Variants in CAMLG observed in about 807,000 individuals in gnomAD.
CAMLG encodes the protein guided entry of tail-anchored proteins factor CAMLG.
In CAMLG, 23 loss-of-function variants were observed where a neutral mutation model predicts 28.9. The ratio of observed to expected loss-of-function variants is 0.80; its 90% CI spans 0.57 to 1.13. The LOEUF is 1.13. Among genes scored for constraint, CAMLG ranks in the 50% most tolerant of loss-of-function variants. The pLI, the probability that CAMLG is intolerant of heterozygous loss-of-function variation, is 0.00. For synonymous variants in CAMLG, 141 were observed against 146.5 expected (o/e 0.96, Z 0.27); for missense variants, 367 against 371.9 (o/e 0.99, Z 0.11).
intron 3 of CAMLG, among the ~76,000 whole-genome samples, chr5:134,745,482 G>C (rs964623186): frequency 6.0e-5 from 9 of 151,222 alleles, no homozygotes; most frequent in African/African-American, 1.9e-4. Context: ...GCTGGGCGCC[G>C]TGGCTCACGC....
At chr5:134,746,593 C>G (rs1220674734) in intron 3 of CAMLG, among the ~76,000 whole-genome samples, 5 of 152,020 alleles carry the variant, frequency 3.3e-5, no homozygotes, top group African/African-American at 1.2e-4. Flanking sequence ...TCTCCTGCCT[C>G]AGCCTGCCAA....
At chr5:134,741,952 A>G (rs760204966) in intron 2 of CAMLG, among the ~76,000 whole-genome samples, 4 of 152,202 alleles carry the variant, frequency 2.6e-5, no homozygotes, top group Non-Finnish European at 5.9e-5. Context: ...TCTCAAAAAT[A>G]TATGTATGTG....
chr5:134,749,372 A>G (rs558110292), intron 3 of CAMLG, among the ~76,000 whole-genome samples: 3 of 152,234 alleles, frequency 2.0e-5, no homozygotes, highest in South Asian at 2.1e-4. Context: ...CCGGCCAACT[A>G]TAGGTTTTTA....
At chr5:134,742,463 A>G (rs1300455165) in intron 2 of CAMLG, among the ~76,000 whole-genome samples, 1 of 152,224 alleles carries the variant, frequency 6.6e-6, no homozygotes, top group African/African-American at 2.4e-5. Flanking sequence ...AAATAATTTG[A>G]AATAGTAAAA....
intron 1 of CAMLG, among the ~76,000 whole-genome samples, chr5:134,739,292 C>T (rs1399471657): frequency 6.6e-6 from 1 of 152,264 alleles, no homozygotes; most frequent in South Asian, 2.1e-4. Flanking sequence ...CTAGTTCATC[C>T]TACGTGTATC....
At chr5:134,746,267 A>G (rs752675826) in intron 3 of CAMLG, among the ~76,000 whole-genome samples, 2 of 152,138 alleles carry the variant, frequency 1.3e-5, no homozygotes, top group Non-Finnish European at 2.9e-5. Context: ...GAATCTATAG[A>G]ATCTATACTA....
At position 134,741,291 on chromosome 5, in the gene CAMLG, G is replaced by A. The variant is rs773877145; in HGVS notation, c.401G>A (p.Arg134Gln). Residue 134 changes from arginine to glutamine, a missense_variant, in exon 2 of 4, where the codon CGG becomes CAG. Physicochemically the swap from Arg to Gln is conservative, Grantham distance 43 (BLOSUM62 1). Coordinates refer to ENST00000297156, the MANE Select transcript of CAMLG (RefSeq NM_001745.4). ...SSDVNLELRQ[R>Q]NRGDLTADSV... Reference sequence around the variant, plus strand: ...GATGTCAACCTTGAGCTCCGGCAGCGGAACAGAGGGGACCTGACAGCGGAC... The same window carrying A: ...GATGTCAACCTTGAGCTCCGGCAGCAGAACAGAGGGGACCTGACAGCGGAC... 7.4e-6 allele frequency: 12 copies of A among 1,614,148 alleles called. No homozygotes were observed. The East Asian group carries it at 8.9e-5, about 12-fold the overall frequency.
intron 3 of CAMLG, among the ~76,000 whole-genome samples, chr5:134,746,177 G>C (rs1377817953): frequency 6.9e-6 from 1 of 145,128 alleles, no homozygotes; most frequent in Admixed American, 7.0e-5. Context: ...TATCTATTCA[G>C]AATGAAGATG....
At chr5:134,742,630 T>C (rs1303948230) in intron 2 of CAMLG, among the ~76,000 whole-genome samples, 1 of 152,238 alleles carries the variant, frequency 6.6e-6, no homozygotes, top group Non-Finnish European at 1.5e-5. Context: ...GCATAGCTCA[T>C]AGTTCAGTGT....
At chr5:134,741,665 C>T in intron 2 of CAMLG, 142 bp downstream of exon 2, 1 of 629,124 alleles carries the variant, frequency 1.6e-6, no homozygotes, top group Non-Finnish European at 2.8e-6. Context: ...ATATTATTAA[C>T]TTTGCTATTC....
At position 134,738,769 on chromosome 5, in the gene CAMLG, T is replaced by G; in HGVS notation, c.149T>G (p.Phe50Cys). 6.2e-7 allele frequency: 1 copy of G among 1,613,984 alleles called. No individual in the cohort carries two copies. The highest frequency in any genetic ancestry group is 8.5e-7 in the Non-Finnish European group (1 of 1,179,982). ...CAGCGCATCAACCGGATCATGGGCTTTCACAGGCCCGGGAGCGGCGCGGGT... is the reference window on the plus strand; with the variant it reads ...CAGCGCATCAACCGGATCATGGGCTGTCACAGGCCCGGGAGCGGCGCGGGT... ...SEQRINRIMG[F>C]HRPGSGAEEE... is the part of the protein sequence containing the mutation. Residue 50 changes from phenylalanine (F) to cysteine (C), a missense_variant, in exon 1 of 4, where the codon TTT (phenylalanine) becomes TGT (cysteine). Transcript: ENST00000297156.
Position 134,738,727 on chromosome 5 carries a change from T to A in CAMLG, c.107T>A (p.Leu36Gln). 2.5e-6 allele frequency: 4 copies of A among 1,614,032 alleles called. No homozygotes were observed. The highest frequency in any genetic ancestry group is 3.4e-6 in the Non-Finnish European group (4 of 1,179,946). Reference protein sequence around the residue: ...QRRAELRRRKLLMNSEQRINR... With the variant: ...QRRAELRRRKQLMNSEQRINR... ...CGGGCGGAGCTGCGTCGGAGAAAGCTGCTCATGAACTCGGAACAGCGCATC... is the reference window on the plus strand; with the variant it reads ...CGGGCGGAGCTGCGTCGGAGAAAGCAGCTCATGAACTCGGAACAGCGCATC... The change falls in exon 1 of 4, where the codon CTG becomes CAG. Residue 36 changes from leucine (L) to glutamine (Q), a missense_variant. Transcript: ENST00000297156.
intron 2 of CAMLG, among the ~76,000 whole-genome samples, chr5:134,743,673 C>T (rs1208490575): frequency 6.6e-6 from 1 of 152,006 alleles, no homozygotes; most frequent in South Asian, 2.1e-4. Context: ...CTAGACCATA[C>T]TGGCCAACAT....
At chr5:134,749,635 G>A (rs2150122584) in intron 3 of CAMLG, among the ~76,000 whole-genome samples, 1 of 152,284 alleles carries the variant, frequency 6.6e-6, no homozygotes, top group African/African-American at 2.4e-5. Flanking sequence ...GCATTCTTCT[G>A]CCTCTAACTT....
At chr5:134,749,509 T>C (rs1453560890) in intron 3 of CAMLG, among the ~76,000 whole-genome samples, 2 of 152,250 alleles carry the variant, frequency 1.3e-5, no homozygotes, top group Admixed American at 6.5e-5. Flanking sequence ...ACCAGAAGTA[T>C]ACTGAATTGT....
Position 134,746,657 on chromosome 5 carries a change from AG to A in CAMLG, c.699+2606del, listed in dbSNP as rs546774493. Among the ~76,000 whole-genome samples, 293 of 152,108 alleles carry A rather than the reference AG, an allele frequency of 1.9e-3. 1 individual carries two copies. Among genetic ancestry groups the A allele is most frequent in the African/African-American group, 6.8e-3 (283 of 41,538 alleles). The stretch of plus-strand genomic sequence containing the variant: ...ACACCCACTTAATTTTTGTATTTTT[AG>A]TAGAGACGAGGTGTCACCGTGTTGG... On this transcript the variant is annotated intron_variant, in intron 3 of 3. Transcript: ENST00000297156.
At chr5:134,747,726 C>T (rs1753067142) in intron 3 of CAMLG, among the ~76,000 whole-genome samples, 1 of 151,690 alleles carries the variant, frequency 6.6e-6, no homozygotes, top group Non-Finnish European at 1.5e-5. Flanking sequence ...ACTGCAACCT[C>T]CACCTCCCAG....
intron 1 of CAMLG, among the ~76,000 whole-genome samples, chr5:134,739,077 T>C (rs920536636): frequency 1.3e-5 from 2 of 152,102 alleles, no homozygotes; most frequent in Admixed American, 1.3e-4. Flanking sequence ...GCCCCTTTTT[T>C]CCTTAGCCAC....
At chr5:134,745,614 T>A (rs1753038217) in intron 3 of CAMLG, among the ~76,000 whole-genome samples, 2 of 151,214 alleles carry the variant, frequency 1.3e-5, no homozygotes, top group Non-Finnish European at 2.9e-5. Flanking sequence ...TACCCAGGCA[T>A]GGTTGCGGGT....
Sources: gnomAD v4.1 joint callset for allele counts (sites outside exome capture counted in the v4.1 genomes callset) on GRCh38, gnomAD v4.1.1 for gene constraint, MANE v1.5 for transcripts, NCBI Gene and HGNC (gene_info 2026-07-23, HGNC 2026-07-21) for gene names.